The following PRKN variants were observed in gnomAD, a reference collection of about 807,000 sequenced individuals.
PRKN encodes the protein E3 ubiquitin-protein ligase parkin.
In PRKN, 56 loss-of-function variants were observed where a neutral mutation model predicts 59.5. That is an observed-to-expected ratio of 0.94 (90% CI 0.76 to 1.18). The LOEUF (loss-of-function observed/expected upper bound fraction) is 1.18. Among genes scored for constraint, PRKN ranks in the 50% most tolerant of loss-of-function variants. The pLI, the probability that PRKN is intolerant of heterozygous loss-of-function variation, is 0.00. For missense variants in PRKN, 657 were observed against 596.4 expected (o/e 1.10, Z -1.06); for synonymous variants, 250 against 222.1 (o/e 1.13, Z -1.12).
intron 6 of PRKN, among the ~76,000 whole-genome samples, chr6:161,847,179 G>A (rs937197457): frequency 1.3e-5 from 2 of 152,128 alleles, no homozygotes; most frequent in African/African-American, 2.4e-5. Context: ...GTGGTGGCGG[G>A]TGCCTGTAGT....
chr6:162,334,415 GC>G (rs1194402864), intron 2 of PRKN, among the ~76,000 whole-genome samples: 1 of 152,100 alleles, frequency 6.6e-6, no homozygotes, highest in Non-Finnish European at 1.5e-5. Flanking sequence ...AAATCCTAGG[GC>G]CCATCATGCT....
chr6:162,707,283 A>C (rs903130147), intron 1 of PRKN, among the ~76,000 whole-genome samples: 3 of 152,190 alleles, frequency 2.0e-5, no homozygotes, highest in Non-Finnish European at 4.4e-5. Flanking sequence ...TATTCAAATT[A>C]AGTTATGTGA....
chr6:162,324,375 C>A (rs1190015857), intron 2 of PRKN, among the ~76,000 whole-genome samples: 1 of 152,012 alleles, frequency 6.6e-6, no homozygotes, highest in Non-Finnish European at 1.5e-5. Flanking sequence ...CTGAGGTATA[C>A]AAAGACACTA....
At chr6:162,518,984 A>C (rs1777977691) in intron 1 of PRKN, among the ~76,000 whole-genome samples, 1 of 152,124 alleles carries the variant, frequency 6.6e-6, no homozygotes, top group African/African-American at 2.4e-5. Flanking sequence ...TCGGGGGCTC[A>C]TGCCTTTAAT....
At chr6:161,516,740 T>C (rs1778618403) in intron 9 of PRKN, among the ~76,000 whole-genome samples, 1 of 143,892 alleles carries the variant, frequency 6.9e-6, no homozygotes, top group African/African-American at 2.6e-5. Flanking sequence ...GGCAGGAGAA[T>C]TGCTGAAACC....
chr6:162,281,193 A>T (rs1428671075), intron 2 of PRKN, among the ~76,000 whole-genome samples: 1 of 151,636 alleles, frequency 6.6e-6, no homozygotes, highest in Non-Finnish European at 1.5e-5. Flanking sequence ...GCATGTTCTC[A>T]CTCATAGGTG....
chr6:161,562,227 T>C lies in PRKN; in HGVS notation c.933+7128A>G, dbSNP rs1175191145. Among the ~76,000 whole-genome samples the C allele has an allele frequency of 2.7e-5, 4 of 150,834 alleles. No individual in the cohort carries two copies. Among genetic ancestry groups the C allele is most frequent in the African/African-American group, 7.3e-5 (3 of 40,838 alleles). On this transcript the variant is annotated intron_variant, in intron 8 of 11. Transcript: ENST00000366898. This position sits in a 1 kb window ranked among gnomAD's most constrained non-coding sequence, Gnocchi z 4.3. ...TGCCTTCTCGGCTTCCTCAACACCA[T>C]AAATCGCCATTCTCCTCTGGAGGAC... is the stretch of plus-strand genomic sequence containing the variant.
chr6:161,611,607 T>C (rs764622110), intron 7 of PRKN, among the ~76,000 whole-genome samples: 1 of 152,212 alleles, frequency 6.6e-6, no homozygotes, highest in Non-Finnish European at 1.5e-5. Flanking sequence ...TAAAGTGTTG[T>C]GTGTGTTCTG....
At chr6:162,559,373 G>A (rs994782987) in intron 1 of PRKN, among the ~76,000 whole-genome samples, 12 of 151,820 alleles carry the variant, frequency 7.9e-5, no homozygotes, top group African/African-American at 2.7e-4. Context: ...GCCTTCCCCA[G>A]CCCCTGCCAT....
At chr6:161,489,124 T>A (rs1010759143) in intron 9 of PRKN, among the ~76,000 whole-genome samples, 10 of 152,128 alleles carry the variant, frequency 6.6e-5, no homozygotes, top group African/African-American at 2.4e-4. Flanking sequence ...CATAATTCAC[T>A]CTCCTTCTTC....
chr6:162,237,505 G>C (rs779597714), intron 3 of PRKN, among the ~76,000 whole-genome samples: 1 of 152,102 alleles, frequency 6.6e-6, no homozygotes, highest in African/African-American at 2.4e-5. Context: ...GAACAACTTT[G>C]TTAGGAATGA....
chr6:161,963,747 T>C (rs1424445861), intron 6 of PRKN, among the ~76,000 whole-genome samples: 2 of 152,270 alleles, frequency 1.3e-5, no homozygotes, highest in Non-Finnish European at 2.9e-5. Flanking sequence ...GTTTGCTTTC[T>C]GTTTGTTGCA....
chr6:162,338,941 G>A (rs1223988919), intron 2 of PRKN, among the ~76,000 whole-genome samples: 22 of 150,198 alleles, frequency 1.5e-4, no homozygotes, highest in African/African-American at 1.5e-4. Flanking sequence ...CTGCCCGGCC[G>A]CGACCCCGTC....
intron 7 of PRKN, among the ~76,000 whole-genome samples, chr6:161,677,355 C>T (rs747477358): frequency 1.3e-5 from 2 of 152,194 alleles, no homozygotes; most frequent in Non-Finnish European, 2.9e-5. Context: ...TGATGCCTTG[C>T]ATGGTATCAC....
chr6:162,360,197 CAAACAG>C (rs1785073852), intron 2 of PRKN, among the ~76,000 whole-genome samples: 2 of 152,022 alleles, frequency 1.3e-5, no homozygotes, highest in Non-Finnish European at 2.9e-5. Context: ...AAAAATAACA[CAAACAG>C]AAAGTGTTCT....
intron 2 of PRKN, among the ~76,000 whole-genome samples, chr6:162,404,195 C>G (rs1410889374): frequency 6.6e-6 from 1 of 151,692 alleles, no homozygotes; most frequent in Non-Finnish European, 1.5e-5. Flanking sequence ...CCTGGTGAAA[C>G]CCCCATCTCT....
At chr6:162,500,768 G>C (rs960188806) in intron 1 of PRKN, among the ~76,000 whole-genome samples, 2 of 152,084 alleles carry the variant, frequency 1.3e-5, no homozygotes, top group African/African-American at 4.8e-5. Context: ...TATATAACTT[G>C]AATGTATTGA....
chr6:161,898,909 A>C (rs1777771147), intron 6 of PRKN, among the ~76,000 whole-genome samples: 1 of 152,252 alleles, frequency 6.6e-6, no homozygotes, highest in Non-Finnish European at 1.5e-5. Flanking sequence ...AATGTCTAAA[A>C]GGCCCGGAAC....
At chr6:161,659,529 T>G (rs1475735058) in intron 7 of PRKN, among the ~76,000 whole-genome samples, 3 of 152,000 alleles carry the variant, frequency 2.0e-5, no homozygotes, top group Non-Finnish European at 4.4e-5. Flanking sequence ...GTGCTAAGTG[T>G]GGGGCAGATA....
Sources: gnomAD v4.1 joint callset for allele counts (sites outside exome capture counted in the v4.1 genomes callset) on GRCh38, gnomAD v4.1.1 for gene constraint, Gnocchi (gnomAD v3.1) non-coding constraint, MANE v1.5 for transcripts, NCBI Gene and HGNC (gene_info 2026-07-23, HGNC 2026-07-21) for gene names.